Variants in A2ML1 observed in about 807,000 individuals in gnomAD.
A2ML1 encodes alpha-2-macroglobulin like 1.
In A2ML1, 161 loss-of-function variants were observed where a neutral mutation model predicts 181.9. The observed-to-expected ratio is 0.89, with a 90% CI of 0.78 to 1.01. A2ML1 has a LOEUF of 1.01. Ranked by LOEUF, A2ML1 falls within the 50% of genes least tolerant of loss-of-function variation. The probability of loss-of-function intolerance (pLI) is 0.00; values close to 1 mark genes in which losing one functional copy is unlikely to be tolerated. For missense variants in A2ML1, 1,670 were observed against 1,768.1 expected (o/e 0.94, Z 1.00); for synonymous variants, 663 against 666.8 (o/e 0.99, Z 0.09).
chr12:8,843,425 G>C lies in A2ML1; in HGVS notation c.1476+64G>C, dbSNP rs1943559561. ...GAAGGAAAGAGAATGAGAAGAGTCA[G>C]CCAGAGGGTGCACCTAGGCTATCTG... On this transcript the variant is annotated intron_variant, in intron 12 of 35. Coordinates refer to ENST00000299698, the MANE Select transcript of A2ML1 (RefSeq NM_144670.6). 3 of 1,509,566 alleles carry C rather than the reference G, an allele frequency of 2.0e-6. No homozygotes were observed. The Admixed American group carries it at 5.6e-5, about 28-fold the overall frequency. The allele number at this position is 1,509,566 out of a possible 1,614,324, so 93.5% of individuals were successfully genotyped here. A position where few individuals can be genotyped will look rare whatever the true frequency, so the allele number is the denominator to read the frequency against.
intron 12 of A2ML1, 117 bp from the exon 13 acceptor site, chr12:8,845,325 C>G: frequency 7.0e-7 from 1 of 1,428,846 alleles, no homozygotes; most frequent in Non-Finnish European, 9.7e-7. Context: ...TTGACCCGGA[C>G]TCTGAACTGT....
chr12:8,845,002 T>G, intron 12 of A2ML1: 1 of 1,412,022 alleles, frequency 7.1e-7, no homozygotes, highest in South Asian at 1.7e-5. Context: ...TCTAGAGGGT[T>G]CAATGTCAGA....
intron 12 of A2ML1, 135 bp downstream of exon 12, chr12:8,843,496 AAAAAAG>A: frequency 1.4e-6 from 1 of 726,524 alleles, no homozygotes; most frequent in Non-Finnish European, 2.1e-6. Context: ...AAGCCACACT[AAAAAAG>A]TAAAAGAACA....
At position 8,835,366 on chromosome 12, in the gene A2ML1, T is replaced by C. The variant is rs1010489109; in HGVS notation, c.484-141T>C. 29 of 897,926 alleles carry C rather than the reference T, an allele frequency of 3.2e-5. No homozygotes were observed. The African/African-American group carries it at 3.3e-4, about 10-fold the overall frequency. 55.6% of individuals were successfully genotyped at this position (897,926 alleles called of 1,614,324 possible). Reference sequence around the variant, plus strand: ...GAAAGTTATAAATAACACAGGGAGCTGCTCTTCCTGGACACAGACCACAGG... The same window carrying C: ...GAAAGTTATAAATAACACAGGGAGCCGCTCTTCCTGGACACAGACCACAGG... On this transcript the variant is annotated intron_variant, in intron 5 of 35. Transcript: ENST00000299698.
chr12:8,860,639 G>C (rs141976115), intron 26 of A2ML1, among the ~76,000 whole-genome samples: 56 of 152,282 alleles, frequency 3.7e-4, no homozygotes, highest in African/African-American at 1.3e-3. Context: ...CTCAGCTGAA[G>C]TCCACATGCT....
At chr12:8,842,373 C>A (rs369181918) in intron 11 of A2ML1, among the ~76,000 whole-genome samples, 1 of 147,710 alleles carries the variant, frequency 6.8e-6, no homozygotes, top group Admixed American at 7.0e-5. Flanking sequence ...CGCCTGCCAC[C>A]ACGCCCGGCT....
chr12:8,838,914 TAAAA>T (rs11314317), intron 9 of A2ML1, among the ~76,000 whole-genome samples, 195 bp from the exon 10 acceptor site: 7 of 110,696 alleles, frequency 6.3e-5, no homozygotes, highest in Admixed American at 2.9e-4. Flanking sequence ...GACTCCATCT[TAAAA>T]AAAAAAAAAA....
In A2ML1 at chr12:8,868,299, A is replaced by G. The variant is rs1265497364; in HGVS notation, c.4003A>G (p.Lys1335Glu). 1.2e-6 allele frequency: 2 copies of G among 1,613,986 alleles called. No homozygotes were observed. The highest frequency in any genetic ancestry group is 1.7e-6 in the Non-Finnish European group (2 of 1,180,000). The change falls in exon 31 of 36, where the codon AAA (lysine) becomes GAA (glutamate). Residue 1335 changes from lysine to glutamate, a missense_variant. Coordinates refer to ENST00000299698, the MANE Select transcript of A2ML1 (RefSeq NM_144670.6). ...CTTTAGTCTTAGTGTGGAAATAGGA[A>G]AAGCTAGATGTGAGCAACCGACTTC... Reference protein sequence around the residue: ...KTFSLSVEIGKARCEQPTSPR... With the variant: ...KTFSLSVEIGEARCEQPTSPR...
intron 33 of A2ML1, among the ~76,000 whole-genome samples, chr12:8,872,793 AAAAAAGAAAAAG>A (rs566628662): frequency 1.3e-5 from 2 of 150,382 alleles, no homozygotes; most frequent in Non-Finnish European, 2.9e-5. Flanking sequence ...CAAAAAAAAA[AAAAAAGAAAAAG>A]AAAAAGAAAA....
downstream of A2ML1, among the ~76,000 whole-genome samples, chr12:8,877,179 G>T (rs1321480667): frequency 6.6e-6 from 1 of 152,196 alleles, no homozygotes; most frequent in Admixed American, 6.6e-5. Context: ...AGGGATAAGG[G>T]AAGTAAGATG....
chr12:8,839,193 T>C lies in A2ML1; in HGVS notation c.1051T>C (p.Tyr351His), dbSNP rs765754714. 5 of 1,613,648 alleles carry C rather than the reference T, an allele frequency of 3.1e-6. No homozygotes were observed. The highest frequency in any genetic ancestry group is 4.2e-6 in the Non-Finnish European group (5 of 1,179,660). ...GACCTTTGAAGACACCAGCAATTTTTACCATCCAAATTTCCCCTTCAGTGG... is the reference window on the plus strand; with the variant it reads ...GACCTTTGAAGACACCAGCAATTTTCACCATCCAAATTTCCCCTTCAGTGG... Reference protein sequence around the residue: ...SMTFEDTSNFYHPNFPFSGKI... With the variant: ...SMTFEDTSNFHHPNFPFSGKI... Residue 351 changes from tyrosine (Y) to histidine (H), a missense_variant, in exon 10 of 36, where the codon TAC becomes CAC. Tyr to His is a moderately conservative substitution (Grantham distance 83). Transcript: ENST00000299698.
At chr12:8,887,007 A>C (rs1396807043), downstream of A2ML1, 2 of 151,884 alleles carry the variant, frequency 1.3e-5, no homozygotes, top group Non-Finnish European at 2.9e-5. Flanking sequence ...TAAACAAAAA[A>C]ATTTAACTGG....
At chr12:8,868,726 C>CAA in intron 32 of A2ML1, 99 bp downstream of exon 32, 1 of 843,310 alleles carries the variant, frequency 1.2e-6, no homozygotes, top group Non-Finnish European at 1.9e-6. Flanking sequence ...TGTATACACA[C>CAA]ACACACACAA....
At chr12:8,863,611 ACG>A (rs1565489652) in intron 28 of A2ML1, among the ~76,000 whole-genome samples, 181 bp from the exon 29 acceptor site, 22 of 152,100 alleles carry the variant, frequency 1.4e-4, no homozygotes, top group East Asian at 9.6e-4. Flanking sequence ...ACACACAGGC[ACG>A]CACATGCATC....
chr12:8,882,161 A>G (rs1020303205), intron 7 of A2ML1, among the ~76,000 whole-genome samples: 7 of 152,202 alleles, frequency 4.6e-5, no homozygotes, highest in South Asian at 4.1e-4. Flanking sequence ...TGAGAAGCCA[A>G]GAGTGTTGAG....
At chr12:8,851,647 CT>C (rs1943891492) in intron 18 of A2ML1, 136 bp from the exon 19 acceptor site, 1 of 766,550 alleles carries the variant, frequency 1.3e-6, no homozygotes, top group Non-Finnish European at 2.1e-6. Context: ...CTGAAGCTAT[CT>C]GCTCACCTCA....
Position 8,847,588 on chromosome 12 carries a change from G to A in A2ML1, c.1723G>A (p.Ala575Thr). The A allele has an allele frequency of 6.2e-7, 1 of 1,613,362 alleles. No homozygotes were observed. The highest frequency in any genetic ancestry group is 8.5e-7 in the Non-Finnish European group (1 of 1,179,712). ...GFSPSQQLPG[A>T]EVELQLQAAP... ...CTCCCCCTCCCAGCAGCTTCCAGGAGCAGAAGTGGAGCTGCAGCTGCAGGC... is the reference window on the plus strand; with the variant it reads ...CTCCCCCTCCCAGCAGCTTCCAGGAACAGAAGTGGAGCTGCAGCTGCAGGC... Residue 575 changes from alanine (A) to threonine (T), a missense_variant, in exon 15 of 36, where the codon GCA (alanine) becomes ACA (threonine). Coordinates refer to ENST00000299698, the MANE Select transcript of A2ML1 (RefSeq NM_144670.6).
chr12:8,849,008 T>C (rs1943799048), intron 16 of A2ML1, 94 bp downstream of exon 16: 17 of 1,315,706 alleles, frequency 1.3e-5, no homozygotes, highest in Admixed American at 2.3e-5. Flanking sequence ...GAGACTCATA[T>C]GGGCACTGAT....
intron 14 of A2ML1, among the ~76,000 whole-genome samples, chr12:8,847,244 T>TC: frequency 3.1e-5 from 1 of 32,758 alleles, no homozygotes; most frequent in East Asian, 6.1e-4. Flanking sequence ...CCTGTCTCTA[T>TC]TAAAAAAAAA....
Sources: gnomAD v4.1 joint callset for allele counts (sites outside exome capture counted in the v4.1 genomes callset) on GRCh38, gnomAD v4.1.1 for gene constraint, MANE v1.5 for transcripts, NCBI Gene and HGNC (gene_info 2026-07-23, HGNC 2026-07-21) for gene names.